The following KLHL7 variants were observed in gnomAD, a reference collection of about 807,000 sequenced individuals.
KLHL7 encodes the protein kelch like family member 7.
A neutral mutation model predicts 67.4 loss-of-function variants in KLHL7; 44 were observed. That is an observed-to-expected ratio of 0.65 (90% CI 0.51 to 0.84). KLHL7 has a LOEUF of 0.84. Ranked by LOEUF, KLHL7 falls within the 40% of genes least tolerant of loss-of-function variation. The pLI is 0.00. For missense variants in KLHL7, 362 were observed against 718.1 expected, an observed-to-expected ratio of 0.50 and a Z score of 5.67; for synonymous variants, 252 against 243.3, an observed-to-expected ratio of 1.04 and a Z score of -0.33.
At chr7:23,158,197 A>T (rs1784763502) in intron 7 of KLHL7, among the ~76,000 whole-genome samples, 2 of 151,820 alleles carry the variant, frequency 1.3e-5, no homozygotes, top group Admixed American at 1.3e-4. Flanking sequence ...GAACTTCTGG[A>T]CTCAAGCAGT....
At chr7:23,140,986 C>T (rs776398288) in intron 5 of KLHL7, 42 bp downstream of exon 5, 8 of 1,511,016 alleles carry the variant, frequency 5.3e-6, no homozygotes, top group Middle Eastern at 1.7e-4. Flanking sequence ...ATAAAAATGT[C>T]TTTATTGGTT....
At chr7:23,138,368 A>G (rs1162924423) in intron 4 of KLHL7, among the ~76,000 whole-genome samples, 1 of 143,672 alleles carries the variant, frequency 7.0e-6, no homozygotes, top group Admixed American at 7.0e-5. Context: ...AGGCTGAGGT[A>G]GGGAATTACT....
chr7:23,171,326 T>C (rs1785155069), intron 9 of KLHL7: 1 of 160,158 alleles, frequency 6.2e-6, no homozygotes, highest in Non-Finnish European at 1.4e-5. Flanking sequence ...CATAAAGACA[T>C]GCTGTCTTTT....
Position 23,143,934 on chromosome 7 carries a change from G to A in KLHL7, c.702G>A (p.Arg234=), listed in dbSNP as rs946879548. 19 of 1,614,006 alleles carry A rather than the reference G, an allele frequency of 1.2e-5. No homozygotes were observed. The highest frequency in any genetic ancestry group is 1.6e-5 in the Non-Finnish European group (19 of 1,179,932). The change falls in exon 6 of 11, where the codon AGG becomes AGA. Residue 234 remains arginine, a synonymous_variant. Coordinates refer to ENST00000339077, the MANE Select transcript of KLHL7 (RefSeq NM_001031710.3). ...PFMVDILAKV[R]FPLISKNFLS... ...TGGTTGATATCCTTGCTAAAGTCAG[G>A]TTTCCTCTTATATCAAAGAATTTCT...
chr7:23,133,978 A>C (rs1039053706), intron 4 of KLHL7, among the ~76,000 whole-genome samples: 1 of 152,174 alleles, frequency 6.6e-6, no homozygotes, highest in African/African-American at 2.4e-5. Flanking sequence ...TAGGACTTCC[A>C]GTACTATATT....
At chr7:23,117,733 C>A in intron 1 of KLHL7, 1 of 1,098,028 alleles carries the variant, frequency 9.1e-7, no homozygotes, top group Non-Finnish European at 1.3e-6. Context: ...GTTTCTTAGC[C>A]TTTGCATTTA....
intron 1 of KLHL7, among the ~76,000 whole-genome samples, chr7:23,117,081 CTTT>C (rs34692665): frequency 2.9e-5 from 2 of 68,226 alleles, no homozygotes; most frequent in East Asian, 4.2e-4. Flanking sequence ...AGAGCCAGGC[CTTT>C]TTTTTTTTTT....
chr7:23,117,548 A>G (rs906656186), intron 1 of KLHL7, among the ~76,000 whole-genome samples: 1 of 152,134 alleles, frequency 6.6e-6, no homozygotes, highest in Non-Finnish European at 1.5e-5. Flanking sequence ...CTGACCTGGC[A>G]TATGTTTCCC....
chr7:23,172,017 A>C, intron 9 of KLHL7: 1 of 362,698 alleles, frequency 2.8e-6, no homozygotes. Flanking sequence ...CCGGCCATCA[A>C]ATTATTTTAA....
At chr7:23,128,795 T>C (rs1783684147) in intron 4 of KLHL7, among the ~76,000 whole-genome samples, 2 of 152,308 alleles carry the variant, frequency 1.3e-5, no homozygotes, top group South Asian at 4.2e-4. Flanking sequence ...TTTCTGCCCC[T>C]ATAAATTTGC....
Position 23,161,424 on chromosome 7 carries a change from G to GT in KLHL7, c.937-4268dup, listed in dbSNP as rs1363142900. Among the ~76,000 whole-genome samples the GT allele has an allele frequency of 3.9e-5, 6 of 152,286 alleles. No homozygotes were observed. The East Asian group carries it at 9.6e-4, about 24-fold the overall frequency. ...ATCAAACACATTTAGTTGATTTACA[G>GT]TTTTTTCCTGTTAAAATACTCCTGC... On this transcript the variant is annotated intron_variant, in intron 7 of 10. Coordinates refer to ENST00000339077, the MANE Select transcript of KLHL7 (RefSeq NM_001031710.3).
At chr7:23,123,519 A>G (rs1044008583) in intron 1 of KLHL7, among the ~76,000 whole-genome samples, 3 of 151,010 alleles carry the variant, frequency 2.0e-5, no homozygotes, top group Non-Finnish European at 4.4e-5. Context: ...CTGAAGGGTT[A>G]GTAGACTTGT....
intron 7 of KLHL7, among the ~76,000 whole-genome samples, chr7:23,154,318 G>T (rs925939742): frequency 3.3e-5 from 5 of 152,026 alleles, no homozygotes; most frequent in African/African-American, 1.2e-4. Context: ...TCACGCCACG[G>T]CACTCCAGCC....
At chr7:23,120,261 C>T (rs969464593) in intron 1 of KLHL7, among the ~76,000 whole-genome samples, 10 of 152,172 alleles carry the variant, frequency 6.6e-5, no homozygotes, top group African/African-American at 1.9e-4. Flanking sequence ...CTGCCCACCT[C>T]GGCCTTCCAA....
In KLHL7 at chr7:23,150,963, A is replaced by C. The variant is rs969683915; in HGVS notation, c.794-1104A>C. ...AAGTTGCTGGTAATTCTTATAAATT[A>C]ATAAAGTGTCTTTTAATAGTATTTT... On this transcript the variant is annotated intron_variant, in intron 6 of 10. Coordinates refer to ENST00000339077, the MANE Select transcript of KLHL7 (RefSeq NM_001031710.3). 3.3e-5 allele frequency among the ~76,000 whole-genome samples: 5 copies of C among 152,134 alleles called. No individual in the cohort carries two copies. The East Asian group carries it at 9.6e-4, about 29-fold the overall frequency.
intron 6 of KLHL7, among the ~76,000 whole-genome samples, chr7:23,146,953 A>G (rs1784377366): frequency 6.6e-6 from 1 of 151,972 alleles, no homozygotes; most frequent in Non-Finnish European, 1.5e-5. Flanking sequence ...ACTTCATTTA[A>G]ATTGCCATGT....
At chr7:23,106,581 T>C in intron 1 of KLHL7, 2 of 1,042,748 alleles carry the variant, frequency 1.9e-6, no homozygotes, top group Non-Finnish European at 2.3e-6. Flanking sequence ...CATCAGCTGC[T>C]CTTAAATAAG....
In KLHL7 at chr7:23,174,272, G is replaced by A; in HGVS notation, c.1735G>A (p.Ala579Thr). ...AATTTGTGTTGTCGATACTTGTGGA[G>A]CAAATGAAGAGACCCTTGAAACATG... is the stretch of plus-strand genomic sequence containing the variant. ...CLICVVDTCGANEETLET is the reference protein window; with the variant it reads ...CLICVVDTCGTNEETLET Residue 579 changes from alanine (A) to threonine (T), a missense_variant, in exon 11 of 11, where the codon GCA becomes ACA. Around this residue, in one of 5 missense-constraint regions of KLHL7, gnomAD observed 136 missense variants for 252.7 expected, o/e 0.54. Transcript: ENST00000339077. The A allele has an allele frequency of 6.2e-7, 1 of 1,614,154 alleles. No individual in the cohort carries two copies. The highest frequency in any genetic ancestry group is 8.5e-7 in the Non-Finnish European group (1 of 1,180,004).
intron 1 of KLHL7, 90 bp downstream of exon 1, chr7:23,106,236 G>T: frequency 6.4e-7 from 1 of 1,555,430 alleles, no homozygotes; most frequent in Non-Finnish European, 8.7e-7. Flanking sequence ...GCGCCCTGTG[G>T]ATCGCGCCCC....
Sources: allele counts gnomAD v4.1 joint callset (sites outside exome capture counted in the v4.1 genomes callset), GRCh38; gene constraint gnomAD v4.1.1; regional missense constraint gnomAD v4.1.1; transcripts MANE v1.5; gene names NCBI Gene and HGNC (gene_info 2026-07-23, HGNC 2026-07-21).